Variants in TTLL11 observed in about 807,000 individuals in gnomAD.
TTLL11 encodes the protein tubulin polyglutamylase TTLL11.
In TTLL11, 42 loss-of-function variants were observed where a neutral mutation model predicts 51.7. The observed-to-expected ratio is 0.81, with a 90% CI of 0.64 to 1.05. The LOEUF is 1.05. Ranked by LOEUF, TTLL11 falls within the 50% of genes least tolerant of loss-of-function variation. The probability of loss-of-function intolerance (pLI) is 0.00; values close to 1 mark genes in which losing one functional copy is unlikely to be tolerated. For missense variants in TTLL11, 799 were observed against 940.4 expected, an observed-to-expected ratio of 0.85 and a Z score of 1.97; for synonymous variants, 381 against 383.5, an observed-to-expected ratio of 0.99 and a Z score of 0.08.
chr9:121,946,032 G>T (rs1415133735), intron 6 of TTLL11, among the ~76,000 whole-genome samples: 1 of 152,176 alleles, frequency 6.6e-6, no homozygotes, highest in Non-Finnish European at 1.5e-5. Context: ...CATCCGATGT[G>T]GTTCTGAGCC....
chr9:122,069,287 A>G (rs1845670242), intron 1 of TTLL11, among the ~76,000 whole-genome samples: 1 of 152,056 alleles, frequency 6.6e-6, no homozygotes, highest in African/African-American at 2.4e-5. Flanking sequence ...CTTAAGCCCT[A>G]CCTCCTCAGG....
intron 1 of TTLL11, among the ~76,000 whole-genome samples, chr9:122,051,183 C>CTTTATGTAAGATATGTACTTTATGTAAG (rs1281124320): frequency 6.6e-6 from 1 of 152,154 alleles, no homozygotes; most frequent in African/African-American, 2.4e-5. Flanking sequence ...AGGTATCTTA[C>CTTTATGTAAGATATGTACTTTATGTAAG]ATAAATGCCT....
intron 8 of TTLL11, among the ~76,000 whole-genome samples, chr9:121,838,383 C>T (rs1837241800): frequency 6.6e-6 from 1 of 152,168 alleles, no homozygotes; most frequent in Non-Finnish European, 1.5e-5. Context: ...CCTGTTTCCA[C>T]TATTGCCCCT....
At chr9:121,953,775 C>T (rs555803862) in intron 6 of TTLL11, among the ~76,000 whole-genome samples, 5 of 152,082 alleles carry the variant, frequency 3.3e-5, no homozygotes, top group Non-Finnish European at 5.9e-5. Context: ...AAAAACCCGA[C>T]GAACCTTGCA....
chr9:122,071,067 G>C (rs1307615453), intron 1 of TTLL11, among the ~76,000 whole-genome samples: 3 of 152,154 alleles, frequency 2.0e-5, no homozygotes, highest in Non-Finnish European at 4.4e-5. Flanking sequence ...GTCTCTGCTT[G>C]TCAGTGTTGC....
chr9:121,971,929 C>A (rs1842589952), intron 6 of TTLL11, among the ~76,000 whole-genome samples: 1 of 151,648 alleles, frequency 6.6e-6, no homozygotes, highest in Non-Finnish European at 1.5e-5. Flanking sequence ...GGGAGTTGAA[C>A]AATGAGAACA....
At chr9:121,967,210 ATTTTTTTTTTTTTTTTTTTT>A (rs150372226) in intron 6 of TTLL11, among the ~76,000 whole-genome samples, 2 of 62,998 alleles carry the variant, frequency 3.2e-5, no homozygotes, top group Admixed American at 5.1e-4. Context: ...TCAGCGGGAG[ATTTTTTTTTTTTTTTTTTTT>A]TTTTTTTTTT....
intron 3 of TTLL11, among the ~76,000 whole-genome samples, chr9:122,029,126 T>C (rs1311968287): frequency 6.6e-6 from 1 of 152,254 alleles, no homozygotes; most frequent in Non-Finnish European, 1.5e-5. Flanking sequence ...ACAAACCTAC[T>C]GCACTGCCAG....
intron 1 of TTLL11, among the ~76,000 whole-genome samples, chr9:122,083,179 C>T (rs537751455): frequency 6.6e-6 from 1 of 152,202 alleles, no homozygotes; most frequent in East Asian, 1.9e-4. Context: ...ACTGCGCATC[C>T]CCCATCCCTC....
chr9:121,870,392 C>T, intron 7 of TTLL11, 105 bp downstream of exon 7: 1 of 1,390,594 alleles, frequency 7.2e-7, no homozygotes, highest in Non-Finnish European at 9.6e-7. Flanking sequence ...ACTGACCCAG[C>T]ACCACAGATT....
At chr9:121,867,483 C>T (rs1250238701) in intron 7 of TTLL11, among the ~76,000 whole-genome samples, 1 of 152,126 alleles carries the variant, frequency 6.6e-6, no homozygotes, top group East Asian at 1.9e-4. Context: ...CAAATCTCCC[C>T]CTCTCTCGAA....
chr9:122,000,554 A>G (rs1486769362), intron 3 of TTLL11, among the ~76,000 whole-genome samples: 1 of 151,160 alleles, frequency 6.6e-6, no homozygotes, highest in Non-Finnish European at 1.5e-5. Context: ...CACCAAAACC[A>G]AGATGGCAAC....
intron 6 of TTLL11, among the ~76,000 whole-genome samples, chr9:121,886,316 G>GA (rs1168546981): frequency 1.3e-5 from 2 of 151,564 alleles, no homozygotes; most frequent in Non-Finnish European, 2.9e-5. Context: ...ACCTTTTTTG[G>GA]AAAAAAAGAG....
intron 6 of TTLL11, among the ~76,000 whole-genome samples, chr9:121,880,705 C>T (rs1838752606): frequency 6.6e-6 from 1 of 152,188 alleles, no homozygotes; most frequent in African/African-American, 2.4e-5. Context: ...TACCTACAGC[C>T]CCAGCACAGC....
chr9:121,876,604 A>C (rs1838574648), intron 6 of TTLL11, among the ~76,000 whole-genome samples: 1 of 151,968 alleles, frequency 6.6e-6, no homozygotes, highest in African/African-American at 2.4e-5. Context: ...GAATGAGAGA[A>C]TGTGGTAGAT....
intron 6 of TTLL11, among the ~76,000 whole-genome samples, chr9:121,972,134 GA>G (rs71371905): frequency 0.27 from 31,642 of 115,600 alleles, 3,329 homozygotes; most frequent in African/African-American, 0.3. Context: ...GTATGAAAAA[GA>G]AAAAAAAAAA....
intron 6 of TTLL11, among the ~76,000 whole-genome samples, chr9:121,927,905 A>C (rs764395143): frequency 6.6e-6 from 1 of 152,178 alleles, no homozygotes; most frequent in Non-Finnish European, 1.5e-5. Context: ...ATCACATGTT[A>C]TTTGGTTTGG....
At chr9:122,047,803 C>A (rs1845057159) in intron 1 of TTLL11, among the ~76,000 whole-genome samples, 2 of 152,112 alleles carry the variant, frequency 1.3e-5, no homozygotes, top group South Asian at 4.1e-4. Context: ...TAATCCTTAT[C>A]TCCTTCATTA....
intron 8 of TTLL11, among the ~76,000 whole-genome samples, chr9:121,854,814 G>A (rs1837764659): frequency 6.6e-6 from 1 of 152,266 alleles, no homozygotes; most frequent in Non-Finnish European, 1.5e-5. Context: ...TTTGAATTCT[G>A]GGCAATGAGA....
Sources: allele counts gnomAD v4.1 joint callset (sites outside exome capture counted in the v4.1 genomes callset), GRCh38; gene constraint gnomAD v4.1.1; transcripts MANE v1.5; gene names NCBI Gene and HGNC (gene_info 2026-07-23, HGNC 2026-07-21).